Variants in EPHA5 observed in about 807,000 individuals in gnomAD.
EPHA5 encodes EPH receptor A5.
In EPHA5, 60 loss-of-function variants were observed where a neutral mutation model predicts 105.0. The observed-to-expected ratio is 0.57, with a 90% CI of 0.46 to 0.71. The LOEUF is 0.71. Ranked by LOEUF, EPHA5 falls within the 30% of genes least tolerant of loss-of-function variation. The pLI is 0.00. For synonymous variants in EPHA5, 513 were observed against 449.1 expected (o/e 1.14, Z -1.80); for missense variants, 1,218 against 1,274.7 (o/e 0.96, Z 0.68).
intron 3 of EPHA5, among the ~76,000 whole-genome samples, chr4:65,501,375 A>C (rs1732471422): frequency 2.0e-5 from 3 of 151,582 alleles, no homozygotes; most frequent in African/African-American, 7.2e-5. Context: ...CTTCACCAAA[A>C]GTCTCCTGGA....
chr4:65,669,619 TC>T lies in EPHA5; in HGVS notation c.123del (p.Trp41Ter). ...AGTGCGGCGCACAGGAGAAGGCACGTCCAGAGGGGAGCCCGTCGAGGTGCAG... is the reference window on the plus strand; with the variant it reads ...AGTGCGGCGCACAGGAGAAGGCACGTCAGAGGGGAGCCCGTCGAGGTGCAG... ...CYSAPRRAPL[W>X]TCLLLCAALR... On this transcript the variant is annotated frameshift_variant, in exon 1 of 17. Coordinates refer to ENST00000613740, the MANE Select transcript of EPHA5 (RefSeq NM_001281766.3). LOFTEE classifies it high-confidence loss of function. The T allele has an allele frequency of 7.0e-7, 1 of 1,422,998 alleles. No individual in the cohort carries two copies. The highest frequency in any genetic ancestry group is 1.7e-5 in the South Asian group (1 of 59,622). The allele number at this position is 1,422,998 out of a possible 1,614,324, so 88.1% of individuals were successfully genotyped here.
At chr4:65,344,009 T>G (rs1392208746) in intron 14 of EPHA5, among the ~76,000 whole-genome samples, 1 of 151,940 alleles carries the variant, frequency 6.6e-6, no homozygotes, top group African/African-American at 2.4e-5. Context: ...AAAATAAAAA[T>G]CACAAAGAAA....
chr4:65,490,267 C>T (rs1485160436), intron 5 of EPHA5, 110 bp downstream of exon 5: 8 of 1,049,580 alleles, frequency 7.6e-6, no homozygotes, highest in Non-Finnish European at 1.1e-5. Context: ...CCTGACCTTC[C>T]GGTTGAGGGA....
intron 8 of EPHA5, among the ~76,000 whole-genome samples, chr4:65,389,306 G>T (rs1720469587): frequency 6.6e-6 from 1 of 151,902 alleles, no homozygotes; most frequent in Non-Finnish European, 1.5e-5. Context: ...CAGATTTTTG[G>T]TAAAATTCCA....
intron 2 of EPHA5, among the ~76,000 whole-genome samples, chr4:65,602,536 A>G (rs375945725): frequency 2.0e-5 from 3 of 152,332 alleles, no homozygotes; most frequent in East Asian, 1.9e-4. Context: ...TTCATCTCCA[A>G]CATAACTCCA....
intron 5 of EPHA5, among the ~76,000 whole-genome samples, chr4:65,446,120 A>T (rs1726497149): frequency 1.3e-5 from 2 of 152,272 alleles, no homozygotes; most frequent in South Asian, 4.1e-4. Flanking sequence ...CCCTCATGAT[A>T]TTTTTAATAT....
intron 8 of EPHA5, among the ~76,000 whole-genome samples, chr4:65,385,224 A>C (rs971446617): frequency 3.3e-5 from 5 of 151,942 alleles, no homozygotes; most frequent in Non-Finnish European, 5.9e-5. Context: ...GTTCAAAAAA[A>C]GAAGAAAATA....
intron 5 of EPHA5, among the ~76,000 whole-genome samples, chr4:65,436,894 T>C (rs555272716): frequency 5.3e-5 from 8 of 152,106 alleles, no homozygotes; most frequent in African/African-American, 1.9e-4. Flanking sequence ...TTTTATGCCC[T>C]CTTTAGAAAA....
chr4:65,554,981 C>CAAAAAAAAAAAAAAA (rs71205383), intron 3 of EPHA5, among the ~76,000 whole-genome samples: 2 of 92,618 alleles, frequency 2.2e-5, no homozygotes, highest in African/African-American at 4.1e-5. Context: ...TATACAACAG[C>CAAAAAAAAAAAAAAA]AAAAAAAAAA....
chr4:65,512,290 G>A (rs904552087), intron 3 of EPHA5, among the ~76,000 whole-genome samples: 9 of 151,898 alleles, frequency 5.9e-5, no homozygotes, highest in South Asian at 2.1e-4. Context: ...GCTAGTGGTC[G>A]GTGAGAGTAC....
chr4:65,436,404 G>A (rs972131388), intron 5 of EPHA5, among the ~76,000 whole-genome samples: 3 of 151,542 alleles, frequency 2.0e-5, no homozygotes, highest in African/African-American at 4.8e-5. Flanking sequence ...ACAATTTCTC[G>A]AGACACTCAT....
intron 3 of EPHA5, among the ~76,000 whole-genome samples, chr4:65,508,221 T>A (rs546625606): frequency 3.3e-5 from 5 of 152,242 alleles, no homozygotes; most frequent in African/African-American, 1.2e-4. Flanking sequence ...ATGGCCTGTG[T>A]ATTTGATTTG....
In EPHA5 at chr4:65,629,006, T is replaced by C. The variant is rs143724464; in HGVS notation, c.246+14357A>G. 2.7e-3 allele frequency among the ~76,000 whole-genome samples: 405 copies of C among 152,354 alleles called. 1 individual carries two copies. The highest frequency in any genetic ancestry group is 8.7e-3 in the African/African-American group (363 of 41,584). ...CACACCATTTCCATTATCTGTGTTCTAGATAAAATGCTAAGAAATAAGATG... is the reference window on the plus strand; with the variant it reads ...CACACCATTTCCATTATCTGTGTTCCAGATAAAATGCTAAGAAATAAGATG... On this transcript the variant is annotated intron_variant, in intron 2 of 16. Transcript: ENST00000613740.
intron 1 of EPHA5, among the ~76,000 whole-genome samples, chr4:65,654,900 T>C (rs1748924345): frequency 6.8e-6 from 1 of 147,532 alleles, no homozygotes; most frequent in Non-Finnish European, 1.5e-5. Context: ...TATATATAAA[T>C]ATACATTTAT....
intron 2 of EPHA5, among the ~76,000 whole-genome samples, chr4:65,608,368 G>T (rs1405357655): frequency 6.6e-6 from 1 of 152,010 alleles, no homozygotes; most frequent in African/African-American, 2.4e-5. Context: ...GCCGGGCGTG[G>T]TGGTGGGCAC....
At chr4:65,488,018 T>C (rs1475658983) in intron 5 of EPHA5, among the ~76,000 whole-genome samples, 1 of 152,144 alleles carries the variant, frequency 6.6e-6, no homozygotes, top group Non-Finnish European at 1.5e-5. Flanking sequence ...GTTTGCAAAA[T>C]GTTACAGTGT....
At chr4:65,327,066 T>A (rs1403493162) in intron 16 of EPHA5, among the ~76,000 whole-genome samples, 1 of 151,150 alleles carries the variant, frequency 6.6e-6, no homozygotes, top group East Asian at 2.0e-4. Context: ...AAATATAATT[T>A]AATCTTCTAG....
intron 2 of EPHA5, among the ~76,000 whole-genome samples, chr4:65,603,197 A>G (rs1743911238): frequency 6.6e-6 from 1 of 152,168 alleles, no homozygotes; most frequent in Non-Finnish European, 1.5e-5. Flanking sequence ...TGGCCAAAGA[A>G]GAGTTCTAAA....
At chr4:65,578,290 T>C (rs893698821) in intron 3 of EPHA5, among the ~76,000 whole-genome samples, 3 of 152,160 alleles carry the variant, frequency 2.0e-5, no homozygotes, top group Admixed American at 2.0e-4. Context: ...GCTTTGCTAA[T>C]TCCAAACTTC....
Sources: gnomAD v4.1 joint callset for allele counts (sites outside exome capture counted in the v4.1 genomes callset) on GRCh38, gnomAD v4.1.1 for gene constraint, MANE v1.5 for transcripts, NCBI Gene and HGNC (gene_info 2026-07-23, HGNC 2026-07-21) for gene names.